The following SPECC1L variants were observed in gnomAD, a reference collection of about 807,000 sequenced individuals.
SPECC1L encodes the protein sperm antigen with calponin homology and coiled-coil domains 1 like, also known as cytospin-A.
Under a neutral mutation model 116.8 loss-of-function variants are expected in SPECC1L, and 40 were observed. The ratio of observed to expected loss-of-function variants is 0.34; its 90% CI spans 0.27 to 0.45. The LOEUF (loss-of-function observed/expected upper bound fraction) is 0.45, where lower values mean the gene tolerates loss of function less well. Among genes scored for constraint, SPECC1L ranks in the 20% least tolerant of loss-of-function variants. The pLI is 1.00. For synonymous variants in SPECC1L, 504 were observed against 500.6 expected, an observed-to-expected ratio of 1.01 and a Z score of -0.09; for missense variants, 1,110 against 1,373.6, an observed-to-expected ratio of 0.81 and a Z score of 3.03.
chr22:24,368,537 G>A (rs150378727), intron 13 of SPECC1L, among the ~76,000 whole-genome samples: 7 of 152,292 alleles, frequency 4.6e-5, no homozygotes, highest in African/African-American at 1.7e-4. Flanking sequence ...TCTTAAAGGC[G>A]AGAACTATTA....
At chr22:24,289,819 A>G (rs1453010940) in intron 2 of SPECC1L, among the ~76,000 whole-genome samples, 11 of 150,928 alleles carry the variant, frequency 7.3e-5, no homozygotes, top group Non-Finnish European at 1.2e-4. Flanking sequence ...TGGGGTTATT[A>G]TGAGAATCAG....
At chr22:24,350,058 T>A (rs2041391389) in intron 11 of SPECC1L, among the ~76,000 whole-genome samples, 1 of 152,170 alleles carries the variant, frequency 6.6e-6, no homozygotes, top group South Asian at 2.1e-4. Context: ...CACATGGGCT[T>A]CCCTGCTGTC....
intron 2 of SPECC1L, among the ~76,000 whole-genome samples, chr22:24,277,358 C>T (rs2048856695): frequency 6.6e-6 from 1 of 152,204 alleles, no homozygotes; most frequent in African/African-American, 2.4e-5. Context: ...CGTATATTAA[C>T]AAAATCACAG....
intron 2 of SPECC1L, among the ~76,000 whole-genome samples, chr22:24,299,888 A>G (rs1265874284): frequency 1.3e-5 from 2 of 151,778 alleles, no homozygotes; most frequent in Non-Finnish European, 2.9e-5. Context: ...CAGCCTCTAT[A>G]CTCCCTACCC....
intron 11 of SPECC1L, among the ~76,000 whole-genome samples, chr22:24,358,005 C>G (rs911316131): frequency 6.6e-6 from 1 of 151,872 alleles, no homozygotes; most frequent in Non-Finnish European, 1.5e-5. Flanking sequence ...AGGTAGGTTT[C>G]CATTTCTTTT....
chr22:24,409,868 A>G (rs1468018311), intron 14 of SPECC1L, among the ~76,000 whole-genome samples: 1 of 152,152 alleles, frequency 6.6e-6, no homozygotes, highest in African/African-American at 2.4e-5. Context: ...CTACAAAAAA[A>G]CAAACAAAAT....
chr22:24,321,188 C>A, intron 4 of SPECC1L, 100 bp from the exon 5 acceptor site: 24 of 1,119,298 alleles, frequency 2.1e-5, no homozygotes, highest in East Asian at 1.4e-4. Context: ...TGTGTAGATC[C>A]TGGATTTCAT....
At chr22:24,319,857 T>G (rs1201609871) in intron 4 of SPECC1L, among the ~76,000 whole-genome samples, 1 of 152,252 alleles carries the variant, frequency 6.6e-6, no homozygotes, top group African/African-American at 2.4e-5. Context: ...GCAGGGTCTT[T>G]AAAAATACTT....
chr22:24,411,588 A>G lies in SPECC1L; in HGVS notation c.3088A>G (p.Asn1030Asp), dbSNP rs1030560308. Residue 1030 changes from asparagine (N) to aspartate (D), a missense_variant and splice_region_variant, in exon 15 of 17, where the codon AAT (asparagine) becomes GAT (aspartate). Asn to Asp is a conservative substitution (Grantham distance 23). This residue lies in a region of SPECC1L where 76 missense variants were observed against 148.5 expected (regional missense o/e 0.51). Coordinates refer to ENST00000314328, the MANE Select transcript of SPECC1L (RefSeq NM_015330.6). ...ACATGTTTTTCTTCCTTTCCTTCAG[A>G]ATATTGACATTACAAACTTCAGCAG... is the stretch of plus-strand genomic sequence containing the variant. ...WCQKKTEGYQ[N>D]IDITNFSSSW... 4.3e-6 allele frequency: 7 copies of G among 1,613,666 alleles called. No homozygotes were observed. The highest frequency in any genetic ancestry group is 1.3e-5 in the African/African-American group (1 of 74,944).
Position 24,321,717 on chromosome 22 carries a change from T to C in SPECC1L, c.737T>C (p.Leu246Ser). The stretch of plus-strand genomic sequence containing the variant: ...GATGTGGAGTCCACTTTATTGCAGT[T>C]GCAGGAACAGAATACTGCCATCCGT... ...PTDVESTLLQLQEQNTAIREE... is the reference protein window; with the variant it reads ...PTDVESTLLQSQEQNTAIREE... The change falls in exon 5 of 17, where the codon TTG becomes TCG. Residue 246 changes from leucine to serine, a missense_variant. Coordinates refer to ENST00000314328, the MANE Select transcript of SPECC1L (RefSeq NM_015330.6). 1.2e-6 allele frequency: 2 copies of C among 1,614,234 alleles called. No individual in the cohort carries two copies. Among genetic ancestry groups the C allele is most frequent in the Non-Finnish European group, 1.7e-6 (2 of 1,180,040 alleles).
intron 12 of SPECC1L, among the ~76,000 whole-genome samples, chr22:24,363,742 CAT>C (rs1386857694): frequency 6.6e-6 from 1 of 152,022 alleles, no homozygotes; most frequent in African/African-American, 2.4e-5. Context: ...ACGAAAAAGA[CAT>C]AATTATAAAA....
At chr22:24,276,120 A>C (rs922773456) in intron 1 of SPECC1L, among the ~76,000 whole-genome samples, 26 of 152,148 alleles carry the variant, frequency 1.7e-4, no homozygotes, top group African/African-American at 5.3e-4. Context: ...GGATGTGGGC[A>C]TATTTCAGGG....
rs1316739648 is a variant in SPECC1L at position 24,414,383 on chromosome 22, T to C, written c.3265-151T>C. 68 of 717,250 alleles carry C rather than the reference T, an allele frequency of 9.5e-5. 2 individuals are homozygous for C. Among genetic ancestry groups the C allele is most frequent in the South Asian group, 9.0e-4 (60 of 66,656 alleles). The allele number at this position is 717,250 out of a possible 1,614,324, so 44.4% of individuals were successfully genotyped here. On this transcript the variant is annotated intron_variant, in intron 16 of 16. Transcript: ENST00000314328. ...ATGCTGATGCCCAGGGAGGAAGCAT[T>C]CTTGGCCAGGCTTTAAAAATGTGTA... is the stretch of plus-strand genomic sequence containing the variant.
In SPECC1L at chr22:24,340,677, C is replaced by A. The variant is rs149803222; in HGVS notation, c.2652+2200C>A. Among the ~76,000 whole-genome samples the A allele has an allele frequency of 8.5e-4, 129 of 152,224 alleles. 1 individual carries two copies. In the East Asian group the frequency reaches 0.02, roughly 23 times the overall value. ...GTTGCAAAAAACTAATACTTATGAG[C>A]TACATTCAGTAGCTTTTTAGTACAT... On this transcript the variant is annotated intron_variant, in intron 10 of 16. Coordinates refer to ENST00000314328, the MANE Select transcript of SPECC1L (RefSeq NM_015330.6).
At chr22:24,412,745 CCTT>C (rs1569451942) in intron 16 of SPECC1L, 38 bp downstream of exon 16, 9 of 1,606,152 alleles carry the variant, frequency 5.6e-6, no homozygotes, top group East Asian at 2.2e-5. Context: ...GCAGGGCCCT[CCTT>C]CTGGTTAAGA....
intron 10 of SPECC1L, among the ~76,000 whole-genome samples, chr22:24,345,084 G>C (rs1324938794): frequency 6.6e-6 from 1 of 152,130 alleles, no homozygotes; most frequent in Non-Finnish European, 1.5e-5. Flanking sequence ...TGTGGTCGGG[G>C]GGGTGCGGGT....
chr22:24,305,175 T>G (rs939955918), intron 3 of SPECC1L, among the ~76,000 whole-genome samples: 1 of 152,232 alleles, frequency 6.6e-6, no homozygotes, highest in African/African-American at 2.4e-5. Flanking sequence ...TGACTTTTTT[T>G]GTTGAAGTAA....
rs2048707683 is a variant in SPECC1L, at chr22:24,270,887, C to T, written c.-238C>T. Reference sequence around the variant, plus strand: ...CGGCGCTGCGGGGTAGGCTGCTTTCCTGAGGCCGGACTCAACGGGTCTCGG... The same window carrying T: ...CGGCGCTGCGGGGTAGGCTGCTTTCTTGAGGCCGGACTCAACGGGTCTCGG... On this transcript the variant is annotated 5_prime_UTR_variant, in exon 1 of 17. Transcript: ENST00000314328. The T allele has an allele frequency of 6.6e-6, 1 of 152,464 alleles. No homozygotes were observed. The highest frequency in any genetic ancestry group is 1.9e-4 in the East Asian group (1 of 5,174). The allele number at this position is 152,464 out of a possible 1,614,324, so 9.4% of individuals were successfully genotyped here. A position where few individuals can be genotyped will look rare whatever the true frequency, so the allele number is the denominator to read the frequency against.
chr22:24,386,771 T>A (rs1210249065), intron 14 of SPECC1L, among the ~76,000 whole-genome samples: 2 of 151,806 alleles, frequency 1.3e-5, no homozygotes, highest in African/African-American at 4.8e-5. Context: ...ACCCGGCTAA[T>A]TTTTTTTGTA....
Sources: gnomAD v4.1 joint callset for allele counts (sites outside exome capture counted in the v4.1 genomes callset) on GRCh38, gnomAD v4.1.1 for gene constraint, gnomAD v4.1.1 regional missense constraint, MANE v1.5 for transcripts, NCBI Gene and HGNC (gene_info 2026-07-23, HGNC 2026-07-21) for gene names.